GALNTL6: variants seen among roughly 807,000 people sequenced by gnomAD.
The protein encoded by GALNTL6 is polypeptide N-acetylgalactosaminyltransferase like 6, also known as polypeptide N-acetylgalactosaminyltransferase-like 6.
Under a neutral mutation model 73.7 loss-of-function variants are expected in GALNTL6, and 46 were observed. That is an observed-to-expected ratio of 0.62 (90% CI 0.49 to 0.80). GALNTL6 has a LOEUF of 0.80. GALNTL6 is among the 30% of genes least tolerant of loss of function. GALNTL6 has a pLI of 0.00. For synonymous variants in GALNTL6, 259 were observed against 263.7 expected (o/e 0.98, Z 0.17); for missense variants, 604 against 755.0 (o/e 0.80, Z 2.34).
intron 2 of GALNTL6, among the ~76,000 whole-genome samples, chr4:172,089,287 G>A (rs1312136668): frequency 6.6e-6 from 1 of 152,152 alleles, no homozygotes; most frequent in Admixed American, 6.6e-5. Flanking sequence ...TTTCAAGTCT[G>A]GAGGGCAGTC....
intron 5 of GALNTL6, among the ~76,000 whole-genome samples, chr4:172,563,084 G>A (rs1272140782): frequency 6.6e-6 from 1 of 152,120 alleles, no homozygotes; most frequent in African/African-American, 2.4e-5. Context: ...CCTGAATTAG[G>A]TTGCTCAAGT....
At chr4:172,851,051 C>T (rs1743788227) in intron 7 of GALNTL6, among the ~76,000 whole-genome samples, 1 of 152,030 alleles carries the variant, frequency 6.6e-6, no homozygotes. Flanking sequence ...AATTTCCAGC[C>T]CCCCTTCCTT....
intron 5 of GALNTL6, among the ~76,000 whole-genome samples, chr4:172,512,576 T>C (rs952784039): frequency 2.0e-5 from 3 of 152,180 alleles, no homozygotes; most frequent in African/African-American, 7.2e-5. Flanking sequence ...TTTTGGTGTA[T>C]TTTGAGGTTT....
At chr4:172,785,670 A>T (rs917454501) in intron 5 of GALNTL6, among the ~76,000 whole-genome samples, 1 of 152,190 alleles carries the variant, frequency 6.6e-6, no homozygotes, top group Non-Finnish European at 1.5e-5. Flanking sequence ...GAGGGCACAG[A>T]GAGTGATGGG....
chr4:171,968,296 C>T (rs1254486269), intron 2 of GALNTL6, among the ~76,000 whole-genome samples: 3 of 152,104 alleles, frequency 2.0e-5, no homozygotes, highest in Non-Finnish European at 2.9e-5. Flanking sequence ...GCCAAAAGTC[C>T]GAAATCAAGG....
At chr4:172,921,795 A>C (rs998857417) in intron 8 of GALNTL6, among the ~76,000 whole-genome samples, 4 of 141,966 alleles carry the variant, frequency 2.8e-5, no homozygotes, top group African/African-American at 1.1e-4. Flanking sequence ...CCTTGTCTCA[A>C]AAAAAAAAAA....
chr4:172,461,576 G>T (rs1258877285), intron 5 of GALNTL6, among the ~76,000 whole-genome samples: 1 of 151,934 alleles, frequency 6.6e-6, no homozygotes, highest in Non-Finnish European at 1.5e-5. Flanking sequence ...TTTCACTCTG[G>T]CCCAAAAAAG....
intron 4 of GALNTL6, among the ~76,000 whole-genome samples, chr4:172,332,186 A>T (rs1354213280): frequency 6.6e-6 from 1 of 151,996 alleles, no homozygotes; most frequent in Non-Finnish European, 1.5e-5. Flanking sequence ...ATGTTTAAGT[A>T]ATTATCTCAT....
intron 2 of GALNTL6, among the ~76,000 whole-genome samples, chr4:171,990,270 G>A (rs1240512789): frequency 6.6e-6 from 1 of 151,876 alleles, no homozygotes; most frequent in African/African-American, 2.4e-5. Flanking sequence ...CCATGTATTG[G>A]GCAGCCTTCT....
At chr4:172,263,665 A>G (rs188108113) in intron 3 of GALNTL6, among the ~76,000 whole-genome samples, 1 of 151,672 alleles carries the variant, frequency 6.6e-6, no homozygotes, top group Non-Finnish European at 1.5e-5. Context: ...TTTCTGATTT[A>G]TATCTATATA....
At chr4:172,643,500 G>T (rs1266862710) in intron 5 of GALNTL6, among the ~76,000 whole-genome samples, 1 of 151,900 alleles carries the variant, frequency 6.6e-6, no homozygotes, top group African/African-American at 2.4e-5. Flanking sequence ...CTATTATTCA[G>T]ATCAAGAATC....
In GALNTL6 at chr4:172,537,688, A is replaced by T. The variant is rs186503130; in HGVS notation, c.553+188999A>T. Reference sequence around the variant, plus strand: ...TTTGTGTTATTATATAAGATTTGAGATTTGTAGTAAACCACATGCATAGAA... The same window carrying T: ...TTTGTGTTATTATATAAGATTTGAGTTTTGTAGTAAACCACATGCATAGAA... On this transcript the variant is annotated intron_variant, in intron 5 of 12. Transcript: ENST00000506823. 4.6e-5 allele frequency among the ~76,000 whole-genome samples: 7 copies of T among 152,290 alleles called. No homozygotes were observed. In the East Asian group the frequency reaches 1.2e-3, roughly 25 times the overall value.
At chr4:171,954,169 T>C (rs1231335181) in intron 2 of GALNTL6, among the ~76,000 whole-genome samples, 1 of 152,220 alleles carries the variant, frequency 6.6e-6, no homozygotes, top group African/African-American at 2.4e-5. Context: ...CTCTGTCATT[T>C]TGTATTCTAT....
At chr4:172,774,732 G>A (rs537533870) in intron 5 of GALNTL6, among the ~76,000 whole-genome samples, 17 of 152,168 alleles carry the variant, frequency 1.1e-4, no homozygotes, top group African/African-American at 3.9e-4. Flanking sequence ...GGCCAAGGCC[G>A]GTGGATTGTC....
At chr4:172,413,918 G>C (rs949522400) in intron 5 of GALNTL6, among the ~76,000 whole-genome samples, 1 of 152,170 alleles carries the variant, frequency 6.6e-6, no homozygotes, top group Admixed American at 6.5e-5. Flanking sequence ...TTCACTGCCT[G>C]CATAGAAGAT....
chr4:172,059,936 G>T (rs887302831), intron 2 of GALNTL6, among the ~76,000 whole-genome samples: 1 of 152,078 alleles, frequency 6.6e-6, no homozygotes, highest in African/African-American at 2.4e-5. Flanking sequence ...AAGGGCACAG[G>T]GCTCCCAGGA....
chr4:173,025,908 T>C (rs1753213082), intron 12 of GALNTL6, among the ~76,000 whole-genome samples: 3 of 152,314 alleles, frequency 2.0e-5, no homozygotes, highest in South Asian at 4.1e-4. Flanking sequence ...TCTAGCACAG[T>C]TTCTGATCAT....
intron 2 of GALNTL6, among the ~76,000 whole-genome samples, chr4:171,827,972 A>G (rs768435971): frequency 5.9e-5 from 9 of 152,198 alleles, no homozygotes; most frequent in Non-Finnish European, 1.3e-4. Flanking sequence ...TTACAAATGC[A>G]TAAAATATAT....
chr4:171,924,119 C>A (rs75808605), intron 2 of GALNTL6, among the ~76,000 whole-genome samples: 3,722 of 151,454 alleles, frequency 0.025, 56 homozygotes, highest in Non-Finnish European at 0.041. Flanking sequence ...ATGGTCCCTG[C>A]TCTGGCCTCT....
Sources: gnomAD v4.1 joint callset for allele counts (sites outside exome capture counted in the v4.1 genomes callset) on GRCh38, gnomAD v4.1.1 for gene constraint, MANE v1.5 for transcripts, NCBI Gene and HGNC (gene_info 2026-07-23, HGNC 2026-07-21) for gene names.